ADIPOR2: variants seen among roughly 807,000 people sequenced by gnomAD.
ADIPOR2 encodes the protein adiponectin receptor 2.
In ADIPOR2, 18 loss-of-function variants were observed where a neutral mutation model predicts 40.9. The ratio of observed to expected loss-of-function variants is 0.44; its 90% CI spans 0.30 to 0.65. The LOEUF is 0.65. Among genes scored for constraint, ADIPOR2 ranks in the 30% least tolerant of loss-of-function variants. The pLI, the probability that ADIPOR2 is intolerant of heterozygous loss-of-function variation, is 0.09. For synonymous variants in ADIPOR2, 165 were observed against 166.4 expected, an observed-to-expected ratio of 0.99 and a Z score of 0.06; for missense variants, 283 against 479.2, an observed-to-expected ratio of 0.59 and a Z score of 3.82.
At chr12:1,750,243 G>A (rs142327924) in intron 1 of ADIPOR2, among the ~76,000 whole-genome samples, 78 of 152,088 alleles carry the variant, frequency 5.1e-4, no homozygotes, top group African/African-American at 1.8e-3. Context: ...CAGTTTCTGC[G>A]TGTTTATTGT....
intron 2 of ADIPOR2, among the ~76,000 whole-genome samples, chr12:1,760,065 C>A (rs749677911): frequency 6.6e-6 from 1 of 151,092 alleles, no homozygotes; most frequent in Non-Finnish European, 1.5e-5. Flanking sequence ...AAAAAAACAA[C>A]CTCCTTCCCG....
chr12:1,753,946 A>G (rs1261099769), intron 1 of ADIPOR2, among the ~76,000 whole-genome samples: 2 of 152,172 alleles, frequency 1.3e-5, no homozygotes, highest in East Asian at 3.8e-4. Context: ...GTTCTTCCAT[A>G]TGTTCTTCTG....
intron 1 of ADIPOR2, among the ~76,000 whole-genome samples, chr12:1,731,395 G>A (rs9888418): frequency 0.82 from 124,106 of 152,108 alleles, 51,303 homozygotes; most frequent in East Asian, 0.9. Context: ...TTTAAAGGGT[G>A]CAGTTCAGTG....
intron 1 of ADIPOR2, among the ~76,000 whole-genome samples, chr12:1,735,075 T>C (rs1231455315): frequency 6.6e-6 from 1 of 152,224 alleles, no homozygotes; most frequent in Non-Finnish European, 1.5e-5. Flanking sequence ...CTTGGCAATG[T>C]GGGCTCTTTT....
chr12:1,769,113 G>T (rs1198978134), intron 2 of ADIPOR2, among the ~76,000 whole-genome samples: 1 of 152,154 alleles, frequency 6.6e-6, no homozygotes, highest in Middle Eastern at 3.2e-3. Context: ...CTGTGGTTTG[G>T]TGGCTGTTGG....
intron 1 of ADIPOR2, among the ~76,000 whole-genome samples, chr12:1,743,914 C>T (rs2094749107): frequency 1.3e-5 from 2 of 152,048 alleles, no homozygotes; most frequent in Non-Finnish European, 2.9e-5. Flanking sequence ...ACTTTATGAT[C>T]AGCCTTATAT....
intron 1 of ADIPOR2, among the ~76,000 whole-genome samples, chr12:1,728,710 C>A (rs2094713147): frequency 6.6e-6 from 1 of 151,474 alleles, no homozygotes; most frequent in Non-Finnish European, 1.5e-5. Context: ...GGCGACAGGG[C>A]AAGACTCCGT....
At chr12:1,702,382 G>A (rs1267673553) in intron 1 of ADIPOR2, among the ~76,000 whole-genome samples, 1 of 152,152 alleles carries the variant, frequency 6.6e-6, no homozygotes, top group African/African-American at 2.4e-5. Context: ...ATTGGATATT[G>A]TCAAATTTGC....
At chr12:1,728,750 TAAAAG>T (rs1261262041) in intron 1 of ADIPOR2, among the ~76,000 whole-genome samples, 2 of 151,818 alleles carry the variant, frequency 1.3e-5, no homozygotes, top group South Asian at 4.1e-4. Flanking sequence ...AATAAATAAA[TAAAAG>T]AAAGCTCTGC....
At position 1,748,266 on chromosome 12, in the gene ADIPOR2, A is replaced by T. The variant is rs6489327; in HGVS notation, c.-86-5992A>T. On this transcript the variant is annotated intron_variant, in intron 1 of 7. Transcript: ENST00000357103. ...TTTATTATTTATTTATTCTTTTTTT[A>T]GAGACGGAGTCTCTCTCTGTCGCCC... 3.1e-3 allele frequency among the ~76,000 whole-genome samples: 464 copies of T among 151,484 alleles called. 3 individuals are homozygous for T. Among genetic ancestry groups the T allele is most frequent in the African/African-American group, 9.5e-3 (394 of 41,314 alleles).
intron 1 of ADIPOR2, chr12:1,702,905 G>A (rs1053533228): frequency 2.6e-5 from 4 of 152,124 alleles, no homozygotes; most frequent in African/African-American, 4.8e-5. Flanking sequence ...CTTTTGTGAG[G>A]TGGTTTTTAA....
intron 1 of ADIPOR2, among the ~76,000 whole-genome samples, chr12:1,695,154 T>C (rs2094635784): frequency 6.6e-6 from 1 of 152,042 alleles, no homozygotes; most frequent in Non-Finnish European, 1.5e-5. Flanking sequence ...GTGTTAGGGT[T>C]ACAGACATGA....
At chr12:1,732,000 T>TA (rs71055189) in intron 1 of ADIPOR2, among the ~76,000 whole-genome samples, 30 of 148,514 alleles carry the variant, frequency 2.0e-4, no homozygotes, top group African/African-American at 5.7e-4. Context: ...CAAGTTTATT[T>TA]AAAAAAAAAA....
At chr12:1,754,699 T>TACTACTAC (rs1862079322) in intron 2 of ADIPOR2, among the ~76,000 whole-genome samples, 185 bp downstream of exon 2, 38 of 103,612 alleles carry the variant, frequency 3.7e-4, no homozygotes, top group South Asian at 2.2e-3. Context: ...ATTATTATTA[T>TACTACTAC]TACTACTACT....
At chr12:1,736,565 C>T (rs2094731230) in intron 1 of ADIPOR2, among the ~76,000 whole-genome samples, 1 of 152,202 alleles carries the variant, frequency 6.6e-6, no homozygotes, top group Non-Finnish European at 1.5e-5. Context: ...AAAACCAGCT[C>T]CTGGATTCAT....
Sources: allele counts gnomAD v4.1 joint callset (sites outside exome capture counted in the v4.1 genomes callset), GRCh38; gene constraint gnomAD v4.1.1; transcripts MANE v1.5; gene names NCBI Gene and HGNC (gene_info 2026-07-23, HGNC 2026-07-21).